The following GPC5 variants were observed in gnomAD, a reference collection of about 807,000 sequenced individuals.
GPC5 encodes glypican-5.
Under a neutral mutation model 53.9 loss-of-function variants are expected in GPC5, and 47 were observed. The ratio of observed to expected loss-of-function variants is 0.87; its 90% CI spans 0.69 to 1.11. The LOEUF is 1.11. Ranked by LOEUF, GPC5 falls within the 50% of genes most tolerant of loss-of-function variation. GPC5 has a pLI of 0.00. For missense variants in GPC5, 748 were observed against 713.1 expected (o/e 1.05, Z -0.56); for synonymous variants, 286 against 263.3 (o/e 1.09, Z -0.84).
intron 7 of GPC5, among the ~76,000 whole-genome samples, chr13:92,316,317 T>C (rs758169274): frequency 8.5e-5 from 13 of 152,180 alleles, no homozygotes; most frequent in Admixed American, 7.2e-4. Context: ...ATTGATTTTC[T>C]ACTCAAAAAT....
intron 7 of GPC5, among the ~76,000 whole-genome samples, chr13:92,840,402 C>T (rs1878395720): frequency 6.6e-6 from 1 of 151,832 alleles, no homozygotes; most frequent in African/African-American, 2.4e-5. Flanking sequence ...CATTAGCATT[C>T]CGTTGAAAAC....
At chr13:92,731,595 T>C (rs1301843681) in intron 7 of GPC5, among the ~76,000 whole-genome samples, 2 of 151,382 alleles carry the variant, frequency 1.3e-5, no homozygotes, top group African/African-American at 2.4e-5. Context: ...GAGAGATTAA[T>C]GGAAAAAGAA....
At chr13:92,720,434 T>C (rs1174438898) in intron 7 of GPC5, among the ~76,000 whole-genome samples, 3 of 152,156 alleles carry the variant, frequency 2.0e-5, no homozygotes, top group Admixed American at 6.6e-5. Context: ...ACCTTCCAAA[T>C]ATTTGATTTT....
intron 6 of GPC5, among the ~76,000 whole-genome samples, chr13:91,949,367 T>C (rs903573520): frequency 3.3e-5 from 5 of 152,208 alleles, no homozygotes; most frequent in African/African-American, 9.6e-5. Context: ...ACAGTAAAGA[T>C]AGTTAATTCA....
At chr13:91,883,826 G>T (rs2039293647) in intron 5 of GPC5, among the ~76,000 whole-genome samples, 1 of 151,954 alleles carries the variant, frequency 6.6e-6, no homozygotes, top group Admixed American at 6.6e-5. Context: ...ACGTGTGCAG[G>T]TTTGTTATGT....
intron 2 of GPC5, among the ~76,000 whole-genome samples, chr13:91,552,699 G>A (rs2030716696): frequency 1.3e-5 from 2 of 152,098 alleles, no homozygotes; most frequent in South Asian, 4.1e-4. Context: ...ATGCCTTTAA[G>A]GGGTTTTCCA....
chr13:92,453,947 A>G (rs886743155), intron 7 of GPC5, among the ~76,000 whole-genome samples: 1 of 152,196 alleles, frequency 6.6e-6, no homozygotes, highest in Non-Finnish European at 1.5e-5. Context: ...TATAAATAGC[A>G]CGCAAAATGT....
chr13:91,833,957 T>C (rs1181463414), intron 5 of GPC5, among the ~76,000 whole-genome samples: 1 of 152,082 alleles, frequency 6.6e-6, no homozygotes, highest in Non-Finnish European at 1.5e-5. Context: ...TCAGATTGTC[T>C]CTGTTTGCAG....
At chr13:92,502,932 T>C (rs915509755) in intron 7 of GPC5, among the ~76,000 whole-genome samples, 2 of 151,944 alleles carry the variant, frequency 1.3e-5, no homozygotes, top group African/African-American at 4.8e-5. Context: ...AGAGCGCCCA[T>C]ATTCTGGATT....
At chr13:92,831,409 C>A (rs183532904) in intron 7 of GPC5, among the ~76,000 whole-genome samples, 1 of 152,058 alleles carries the variant, frequency 6.6e-6, no homozygotes, top group African/African-American at 2.4e-5. Context: ...TACTTTATTA[C>A]AACATTACTC....
At chr13:92,407,576 A>G (rs1371476239) in intron 7 of GPC5, among the ~76,000 whole-genome samples, 1 of 152,222 alleles carries the variant, frequency 6.6e-6, no homozygotes, top group Non-Finnish European at 1.5e-5. Context: ...ATGTGTCACA[A>G]TAACGCTTTT....
intron 7 of GPC5, among the ~76,000 whole-genome samples, chr13:92,238,407 T>C (rs1018825651): frequency 6.6e-6 from 1 of 152,078 alleles, no homozygotes; most frequent in East Asian, 1.9e-4. Context: ...CTAGTTTGTG[T>C]AAAGTGGTTT....
chr13:92,861,325 A>T (rs1269341588), intron 7 of GPC5, among the ~76,000 whole-genome samples: 1 of 152,142 alleles, frequency 6.6e-6, no homozygotes, highest in Non-Finnish European at 1.5e-5. Flanking sequence ...GGTCTAAGCA[A>T]ATGAACATTT....
At chr13:91,940,248 G>T (rs1356914574) in intron 6 of GPC5, among the ~76,000 whole-genome samples, 1 of 152,092 alleles carries the variant, frequency 6.6e-6, no homozygotes, top group Admixed American at 6.6e-5. Flanking sequence ...TGTGGTATTT[G>T]GTTTTCTATT....
intron 7 of GPC5, among the ~76,000 whole-genome samples, chr13:92,345,569 T>C (rs2043404304): frequency 6.6e-6 from 1 of 152,124 alleles, no homozygotes; most frequent in Admixed American, 6.6e-5. Flanking sequence ...TTGGCAACTA[T>C]CTTGAGACAC....
At chr13:92,024,755 C>T (rs2040787281) in intron 6 of GPC5, among the ~76,000 whole-genome samples, 1 of 152,250 alleles carries the variant, frequency 6.6e-6, no homozygotes, top group South Asian at 2.1e-4. Flanking sequence ...TTTTATTCCC[C>T]TCTTACCTCA....
intron 5 of GPC5, among the ~76,000 whole-genome samples, chr13:91,867,284 T>C (rs2039095638): frequency 6.6e-6 from 1 of 152,194 alleles, no homozygotes; most frequent in African/African-American, 2.4e-5. Flanking sequence ...TTCCCTTCAG[T>C]TCTACTGCTG....
chr13:92,141,775 A>AG (rs979872450), intron 6 of GPC5, among the ~76,000 whole-genome samples: 4 of 152,118 alleles, frequency 2.6e-5, no homozygotes, highest in African/African-American at 4.8e-5. Context: ...TTGGGAGCTG[A>AG]GGGGGAGAAT....
chr13:92,804,705 C>T (rs1877029146), intron 7 of GPC5, among the ~76,000 whole-genome samples: 1 of 152,000 alleles, frequency 6.6e-6, no homozygotes, highest in South Asian at 2.1e-4. Flanking sequence ...CACAGCACTT[C>T]ATTCTTCCTT....
Sources: allele counts gnomAD v4.1 joint callset (sites outside exome capture counted in the v4.1 genomes callset), GRCh38; gene constraint gnomAD v4.1.1; transcripts MANE v1.5; gene names NCBI Gene and HGNC (gene_info 2026-07-23, HGNC 2026-07-21).